GATB: variants seen among roughly 807,000 people sequenced by gnomAD.
GATB encodes glutamyl-tRNA(Gln) amidotransferase subunit B, mitochondrial.
In GATB, 39 loss-of-function variants were observed where a neutral mutation model predicts 62.3. That is an observed-to-expected ratio of 0.63 (90% confidence interval 0.48 to 0.82). The LOEUF (loss-of-function observed/expected upper bound fraction) is 0.82. GATB is among the 40% of genes least tolerant of loss of function. The pLI, the probability that GATB is intolerant of heterozygous loss-of-function variation, is 0.00. For missense variants in GATB, 670 were observed against 684.0 expected (o/e 0.98, Z 0.23); for synonymous variants, 276 against 258.9 (o/e 1.07, Z -0.63).
At chr4:151,706,432 G>A (rs1280014372) in intron 6 of GATB, among the ~76,000 whole-genome samples, 1 of 151,542 alleles carries the variant, frequency 6.6e-6, no homozygotes, top group Non-Finnish European at 1.5e-5. Flanking sequence ...ACTACCTACA[G>A]GGGGAGGTGG....
chr4:151,757,566 A>G (rs974098741), intron 2 of GATB, among the ~76,000 whole-genome samples: 2 of 136,240 alleles, frequency 1.5e-5, no homozygotes, highest in Non-Finnish European at 3.0e-5. Context: ...TCTGCCTCCC[A>G]GGTTCACGCC....
At chr4:151,705,412 A>G in intron 6 of GATB, 143 bp from the exon 7 acceptor site, 1 of 618,534 alleles carries the variant, frequency 1.6e-6, no homozygotes, top group East Asian at 2.8e-5. Flanking sequence ...CTTCCCTTAC[A>G]CACTATATTT....
At chr4:151,715,672 TACTC>T (rs925880575) in intron 5 of GATB, among the ~76,000 whole-genome samples, 3 of 152,208 alleles carry the variant, frequency 2.0e-5, no homozygotes, top group Non-Finnish European at 2.9e-5. Context: ...ATCTATACGG[TACTC>T]ACTAACTAAG....
chr4:151,699,083 A>C (rs1033478089), intron 9 of GATB, among the ~76,000 whole-genome samples: 5 of 152,116 alleles, frequency 3.3e-5, no homozygotes, highest in African/African-American at 1.2e-4. Flanking sequence ...GCTATACAGA[A>C]GATGCTAATA....
At chr4:151,717,300 C>T (rs1038126441) in intron 3 of GATB, 9 of 551,628 alleles carry the variant, frequency 1.6e-5, no homozygotes, top group Admixed American at 1.3e-4. Flanking sequence ...AATCCTCCAC[C>T]CCTGATAACG....
chr4:151,701,295 G>A lies in GATB; in HGVS notation c.1197+34C>T, dbSNP rs1242012238. 11 of 1,479,102 alleles carry A rather than the reference G, an allele frequency of 7.4e-6. No individual in the cohort carries two copies. In the East Asian group the frequency reaches 2.5e-4, roughly 33 times the overall value. The allele number at this position is 1,479,102 out of a possible 1,614,324, so 91.6% of individuals were successfully genotyped here. A position where few individuals can be genotyped will look rare whatever the true frequency, so the allele number is the denominator to read the frequency against. On this transcript the variant is annotated intron_variant, in intron 9 of 12. Transcript: ENST00000263985. ...TGAAGGGCACTGCCCCATCTGCTGA[G>A]CCGGGATCCTCTTGGCATCCGATCG...
chr4:151,717,507 A>G (rs1000991393), intron 3 of GATB, among the ~76,000 whole-genome samples: 1 of 152,172 alleles, frequency 6.6e-6, no homozygotes, highest in Non-Finnish European at 1.5e-5. Context: ...GCATTTTGCC[A>G]TCTACTCTCC....
chr4:151,732,710 TCAATA>T (rs1335838556), intron 2 of GATB, among the ~76,000 whole-genome samples: 1 of 94,748 alleles, frequency 1.1e-5, no homozygotes, highest in Non-Finnish European at 2.1e-5. Context: ...CCAAGAATGA[TCAATA>T]AAAAAAAAAA....
At chr4:151,676,136 C>G (rs1737996251) in intron 11 of GATB, 1 of 152,286 alleles carries the variant, frequency 6.6e-6, no homozygotes, top group African/African-American at 2.4e-5. Context: ...AACATCAACC[C>G]AAGCCCCTAA....
In GATB at chr4:151,739,701, G is replaced by A. The variant is rs138349020; in HGVS notation, c.327+19071C>T. Reference sequence around the variant, plus strand: ...CTTTTGAGGGCACAATTTGGGCAACGGTCATTCCCCTGCCCCTAGGTTTCC... The same window carrying A: ...CTTTTGAGGGCACAATTTGGGCAACAGTCATTCCCCTGCCCCTAGGTTTCC... On this transcript the variant is annotated intron_variant, in intron 2 of 12. Transcript: ENST00000263985. 1.4e-3 allele frequency among the ~76,000 whole-genome samples: 209 copies of A among 152,242 alleles called. 1 individual carries two copies. In the East Asian group the frequency reaches 0.015, roughly 11 times the overall value.
At chr4:151,758,683 T>A in intron 2 of GATB, 89 bp downstream of exon 2, 1 of 1,102,476 alleles carries the variant, frequency 9.1e-7, no homozygotes, top group Non-Finnish European at 1.3e-6. Context: ...CAAAGAGTTG[T>A]GTTATTATTA....
At chr4:151,728,286 C>T (rs933433056) in intron 2 of GATB, among the ~76,000 whole-genome samples, 1 of 152,180 alleles carries the variant, frequency 6.6e-6, no homozygotes, top group Non-Finnish European at 1.5e-5. Context: ...TCTTGCCTGC[C>T]ACACATCTGT....
chr4:151,737,260 G>A (rs1303856202), intron 2 of GATB, among the ~76,000 whole-genome samples: 1 of 152,208 alleles, frequency 6.6e-6, no homozygotes. Flanking sequence ...TGAGGAACTT[G>A]TTGCAAACCG....
At chr4:151,681,753 G>T (rs1028251409) in intron 10 of GATB, among the ~76,000 whole-genome samples, 1 of 152,234 alleles carries the variant, frequency 6.6e-6, no homozygotes, top group Non-Finnish European at 1.5e-5. Flanking sequence ...AGGCTGGGAA[G>T]TCCAAGATAA....
At chr4:151,672,630 G>T in intron 12 of GATB, 132 bp downstream of exon 12, 1 of 866,462 alleles carries the variant, frequency 1.2e-6, no homozygotes, top group Non-Finnish European at 1.8e-6. Context: ...AGATGACAGT[G>T]AGGGAATTAT....
At chr4:151,712,914 G>A (rs767990375) in intron 5 of GATB, among the ~76,000 whole-genome samples, 1 of 152,192 alleles carries the variant, frequency 6.6e-6, no homozygotes, top group Non-Finnish European at 1.5e-5. Flanking sequence ...TCTGTGGCCT[G>A]TTAGGAACCA....
intron 10 of GATB, 139 bp downstream of exon 10, chr4:151,688,491 A>G (rs1738296577): frequency 4.0e-6 from 3 of 741,400 alleles, no homozygotes; most frequent in Non-Finnish European, 6.7e-6. Context: ...TAGAATGTGG[A>G]GTCCACAGGG....
chr4:151,680,497 G>A (rs1237646468), intron 10 of GATB, among the ~76,000 whole-genome samples: 1 of 152,130 alleles, frequency 6.6e-6, no homozygotes, highest in Non-Finnish European at 1.5e-5. Context: ...ATATTTCTAG[G>A]ATGTGACTTA....
intron 10 of GATB, among the ~76,000 whole-genome samples, chr4:151,682,260 T>C (rs552988611): frequency 6.6e-5 from 10 of 152,224 alleles, no homozygotes; most frequent in South Asian, 4.1e-4. Flanking sequence ...CTCACACCCA[T>C]AGGGATGTCT....
Sources: gnomAD v4.1 joint callset for allele counts (sites outside exome capture counted in the v4.1 genomes callset) on GRCh38, gnomAD v4.1.1 for gene constraint, MANE v1.5 for transcripts, NCBI Gene and HGNC (gene_info 2026-07-23, HGNC 2026-07-21) for gene names.